The following LIPM variants were observed in gnomAD, a reference collection of about 807,000 sequenced individuals.
LIPM encodes lipase family member M, also known as lipase member M.
A neutral mutation model predicts 42.4 loss-of-function variants in LIPM; 42 were observed. The observed-to-expected ratio is 0.99, with a 90% CI of 0.77 to 1.28. The LOEUF is 1.28. Ranked by LOEUF, LIPM falls within the 50% of genes most tolerant of loss-of-function variation. The pLI is 0.00. For missense variants in LIPM, 524 were observed against 520.1 expected, an observed-to-expected ratio of 1.01 and a Z score of -0.07; for synonymous variants, 177 against 173.3, an observed-to-expected ratio of 1.02 and a Z score of -0.17.
chr10:88,809,290 T>C (rs1843626275), intron 2 of LIPM, among the ~76,000 whole-genome samples: 1 of 152,224 alleles, frequency 6.6e-6, no homozygotes, highest in Admixed American at 6.5e-5. Flanking sequence ...CATGTCTCCA[T>C]AGTTCATACA....
At chr10:88,817,955 C>T (rs187410893) in intron 8 of LIPM, 59 bp downstream of exon 8, 264 of 1,248,980 alleles carry the variant, frequency 2.1e-4, no homozygotes, top group African/African-American at 5.4e-4. Flanking sequence ...ATGACAGGGA[C>T]GTTATAATGA....
At chr10:88,811,273 G>A (rs1394805815) in intron 2 of LIPM, among the ~76,000 whole-genome samples, 2 of 152,196 alleles carry the variant, frequency 1.3e-5, no homozygotes, top group African/African-American at 2.4e-5. Context: ...ACCCTGTGAG[G>A]TGGGCAATTG....
In LIPM at chr10:88,808,309, C is replaced by T. The variant is rs1488832653; in HGVS notation, c.159C>T (p.Ile53=). 6.5e-7 allele frequency: 1 copy of T among 1,545,008 alleles called. No homozygotes were observed. Among genetic ancestry groups the T allele is most frequent in the Non-Finnish European group, 8.8e-7 (1 of 1,141,092 alleles). The change falls in exon 2 of 9, where the codon ATC becomes ATT. Residue 53 remains isoleucine, a synonymous_variant. Transcript: ENST00000404743. The stretch of plus-strand genomic sequence containing the variant: ...TGCTTTTTCCATAGAGTGAAATCAT[C>T]CAACATCAAGGCTATCCCTGTGAGG... The part of the protein sequence containing the change: ...PEAFMNISEI[I]QHQGYPCEEY...
At chr10:88,804,043 G>A (rs796069903) in intron 1 of LIPM, among the ~76,000 whole-genome samples, 5 of 152,262 alleles carry the variant, frequency 3.3e-5, no homozygotes, top group East Asian at 1.9e-4. Context: ...TATTTATACC[G>A]ATTTAAGACC....
In LIPM at chr10:88,814,555, C is replaced by T; in HGVS notation, c.490C>T (p.Leu164Phe). The change falls in exon 4 of 9, where the codon CTT becomes TTT. Residue 164 changes from leucine to phenylalanine, a missense_variant. By Grantham distance (22) the Leu-to-Phe change is conservative. Transcript: ENST00000404743. Reference sequence around the variant, plus strand: ...TTATGATGAGATGGCTAGGTTTGACCTTCCTGCAGTGATAAACTTTATTTT... The same window carrying T: ...TTATGATGAGATGGCTAGGTTTGACTTTCCTGCAGTGATAAACTTTATTTT... Reference protein sequence around the residue: ...FSYDEMARFDLPAVINFILQK... With the variant: ...FSYDEMARFDFPAVINFILQK... 3 of 1,551,336 alleles carry T rather than the reference C, an allele frequency of 1.9e-6. No individual in the cohort carries two copies. The highest frequency in any genetic ancestry group is 2.6e-6 in the Non-Finnish European group (3 of 1,146,738).
intron 1 of LIPM, among the ~76,000 whole-genome samples, chr10:88,803,442 C>T (rs1843551333): frequency 4.6e-5 from 7 of 152,078 alleles, no homozygotes; most frequent in Non-Finnish European, 1.5e-5. Context: ...TTGCTTCTTG[C>T]TATCAGGGCA....
rs377287814 is a variant in LIPM, at chr10:88,802,962, G to T, written c.66G>T (p.Leu22=). 488 of 1,551,164 alleles carry T rather than the reference G, an allele frequency of 3.1e-4. No individual in the cohort carries two copies. The highest frequency in any genetic ancestry group is 4.2e-4 in the Non-Finnish European group (478 of 1,146,708). ...GAATGGAAATGTGGCTTCTGATTCT[G>T]GTGGCGTATATGTTCCAGAGAAATG... The part of the protein sequence containing the change: ...SHRMEMWLLI[L]VAYMFQRNVN... The change falls in exon 1 of 9, where the codon CTG becomes CTT. Residue 22 remains leucine, a synonymous_variant. Coordinates refer to ENST00000404743, the MANE Select transcript of LIPM (RefSeq NM_001128215.1).
chr10:88,816,724 T>A, intron 6 of LIPM, 92 bp from the exon 7 acceptor site: 1 of 770,618 alleles, frequency 1.3e-6, no homozygotes, highest in Non-Finnish European at 2.3e-6. Flanking sequence ...TGTTACCATT[T>A]CTTAGTCTGA....
At chr10:88,814,670 T>A in intron 4 of LIPM, 31 bp downstream of exon 4, 1 of 1,486,470 alleles carries the variant, frequency 6.7e-7, no homozygotes, top group Non-Finnish European at 9.2e-7. Flanking sequence ...GTTTGTATAC[T>A]CGGAAGAAAT....
At chr10:88,818,574 G>T (rs1843746084) in intron 8 of LIPM, among the ~76,000 whole-genome samples, 1 of 152,156 alleles carries the variant, frequency 6.6e-6, no homozygotes, top group African/African-American at 2.4e-5. Flanking sequence ...ATGCCCTTTA[G>T]AACATAAAAT....
chr10:88,804,382 C>A (rs981126734), intron 1 of LIPM, among the ~76,000 whole-genome samples: 4 of 152,196 alleles, frequency 2.6e-5, no homozygotes, highest in African/African-American at 7.2e-5. Context: ...TTGAATTGGG[C>A]TCTGCCTTTA....
At chr10:88,803,347 T>C (rs1843550217) in intron 1 of LIPM, among the ~76,000 whole-genome samples, 1 of 152,206 alleles carries the variant, frequency 6.6e-6, no homozygotes, top group Admixed American at 6.5e-5. Flanking sequence ...CCTTTTAAGT[T>C]CACCCCAGTC....
In LIPM at chr10:88,815,151, C is replaced by T. The variant is rs554783575; in HGVS notation, c.638C>T (p.Ala213Val). Residue 213 changes from alanine to valine, a missense_variant, in exon 5 of 9, where the codon GCA (alanine) becomes GTA (valine). Ala to Val is a moderately conservative substitution (Grantham distance 64). Transcript: ENST00000404743. ...AAAATCAAAATGTATTTTGCTTTAG[C>T]ACCCATAGCCACTGTTAAGCATGCA... ...AQKIKMYFAL[A>V]PIATVKHAKS... The T allele has an allele frequency of 2.6e-6, 4 of 1,551,508 alleles. No homozygotes were observed. The highest frequency in any genetic ancestry group is 3.5e-6 in the Non-Finnish European group (4 of 1,146,942).
intron 1 of LIPM, among the ~76,000 whole-genome samples, chr10:88,807,224 G>T (rs893885363): frequency 6.6e-6 from 1 of 152,172 alleles, no homozygotes; most frequent in African/African-American, 2.4e-5. Flanking sequence ...ATTTACAGAT[G>T]CATGAACTGA....
At chr10:88,816,392 T>G (rs1369152986) in intron 6 of LIPM, among the ~76,000 whole-genome samples, 1 of 152,214 alleles carries the variant, frequency 6.6e-6, no homozygotes, top group Non-Finnish European at 1.5e-5. Context: ...TGTATCAGGC[T>G]AATTTATTAC....
chr10:88,806,101 A>G (rs1843583090), intron 1 of LIPM: 9 of 431,728 alleles, frequency 2.1e-5, no homozygotes, highest in South Asian at 1.5e-4. Context: ...GCCAAGGGTG[A>G]TCTGTTGACA....
intron 1 of LIPM, among the ~76,000 whole-genome samples, chr10:88,806,690 AT>A (rs897347794): frequency 8.6e-5 from 13 of 151,412 alleles, no homozygotes; most frequent in Non-Finnish European, 1.8e-4. Flanking sequence ...ACTTCTATAA[AT>A]TTTTTTTTCT....
Position 88,820,300 on chromosome 10 carries a change from C to T in LIPM, c.1071C>T (p.Asp357=). Residue 357 remains aspartate (D), a synonymous_variant, in exon 9 of 9, where the codon GAC becomes GAT. Transcript: ENST00000404743. ...VPTAMWTGGQ[D]WLSNPEDVKM... ...CAGCAATGTGGACAGGAGGTCAGGA[C>T]TGGCTTTCAAATCCAGAAGACGTGA... is the stretch of plus-strand genomic sequence containing the variant. 6.4e-7 allele frequency: 1 copy of T among 1,552,086 alleles called. No individual in the cohort carries two copies. Among genetic ancestry groups the T allele is most frequent in the South Asian group, 1.2e-5 (1 of 84,060 alleles).
chr10:88,815,407 A>C lies in LIPM; in HGVS notation c.762A>C (p.Gln254His). The change falls in exon 6 of 9, where the codon CAA becomes CAC. Residue 254 changes from glutamine to histidine, a missense_variant. Physicochemically the swap from Gln to His is conservative, Grantham distance 24. Transcript: ENST00000404743. Reference protein sequence around the residue: ...EFLYQTRFLRQLVIYLCGQVI... With the variant: ...EFLYQTRFLRHLVIYLCGQVI... The stretch of plus-strand genomic sequence containing the variant: ...TGTATCAGACCAGATTTCTCAGACA[A>C]CTTGTTATTTACCTTTGTGGCCAGG... 6.4e-7 allele frequency: 1 copy of C among 1,551,612 alleles called. No individual in the cohort carries two copies. The highest frequency in any genetic ancestry group is 1.4e-5 in the African/African-American group (1 of 73,150).
Sources: gnomAD v4.1 joint callset for allele counts (sites outside exome capture counted in the v4.1 genomes callset) on GRCh38, gnomAD v4.1.1 for gene constraint, MANE v1.5 for transcripts, NCBI Gene and HGNC (gene_info 2026-07-23, HGNC 2026-07-21) for gene names.